The following PPP3CB variants were observed in gnomAD, a reference collection of about 807,000 sequenced individuals.
The protein encoded by PPP3CB is serine/threonine-protein phosphatase 2B catalytic subunit beta isoform.
PPP3CB carries 8 observed loss-of-function variants against 66.4 expected under a neutral mutation model. The ratio of observed to expected loss-of-function variants is 0.12; its 90% CI spans 0.07 to 0.22. PPP3CB has a LOEUF of 0.22. PPP3CB is among the 10% of genes least tolerant of loss of function. The probability of loss-of-function intolerance (pLI) is 1.00; values close to 1 mark genes in which losing one functional copy is unlikely to be tolerated. For synonymous variants in PPP3CB, 208 were observed against 221.2 expected (o/e 0.94, Z 0.53); for missense variants, 319 against 642.5 (o/e 0.50, Z 5.44).
chr10:73,476,664 A>C (rs1842714991), intron 3 of PPP3CB, among the ~76,000 whole-genome samples: 1 of 151,972 alleles, frequency 6.6e-6, no homozygotes, highest in Non-Finnish European at 1.5e-5. Flanking sequence ...AATCTTACAC[A>C]AGGACATGCA....
chr10:73,476,734 T>C (rs1241667835), intron 3 of PPP3CB, among the ~76,000 whole-genome samples: 2 of 152,106 alleles, frequency 1.3e-5, no homozygotes, highest in African/African-American at 4.8e-5. Flanking sequence ...TTTGGTCAAA[T>C]GCCTGAAATT....
intron 9 of PPP3CB, among the ~76,000 whole-genome samples, chr10:73,461,000 G>C (rs2056512208): frequency 6.6e-6 from 1 of 152,246 alleles, no homozygotes; most frequent in Non-Finnish European, 1.5e-5. Context: ...GCACTGCCTA[G>C]TGGGGCTGTG....
rs2056638374 is a variant in PPP3CB at position 73,467,649 on chromosome 10, TC to T, written c.1011del (p.Met338Ter). 6.4e-7 allele frequency: 1 copy of T among 1,567,122 alleles called. No individual in the cohort carries two copies. Among genetic ancestry groups the T allele is most frequent in the African/African-American group, 1.4e-5 (1 of 72,614 alleles). On this transcript the variant is annotated frameshift_variant, in exon 9 of 14. Coordinates refer to ENST00000360663, the MANE Select transcript of PPP3CB (RefSeq NM_021132.4). LOFTEE classifies it high-confidence loss of function. ...KAAVLKYENN[V>X]MNIRQFNCSP... The stretch of plus-strand genomic sequence containing the variant: ...GAACAGTTAAACTGTCGAATATTCA[TC>T]ACATTATTTTCATACTTTAATACAG...
intron 12 of PPP3CB, chr10:73,444,477 A>G (rs1214048134): frequency 1.8e-6 from 2 of 1,131,038 alleles, no homozygotes; most frequent in Non-Finnish European, 2.5e-6. Flanking sequence ...CTGCTCCCAT[A>G]TCATTTCATG....
At chr10:73,464,734 C>T (rs182458354) in intron 9 of PPP3CB, among the ~76,000 whole-genome samples, 124 of 152,186 alleles carry the variant, frequency 8.1e-4, no homozygotes, top group Non-Finnish European at 1.5e-3. Context: ...GAGTTTGAGA[C>T]CAGCCTGGCC....
chr10:73,489,408 C>T (rs892559529), intron 1 of PPP3CB, among the ~76,000 whole-genome samples: 1 of 149,950 alleles, frequency 6.7e-6, no homozygotes, highest in Middle Eastern at 3.4e-3. Flanking sequence ...TTAAAACCTT[C>T]AATAATAATA....
intron 9 of PPP3CB, among the ~76,000 whole-genome samples, chr10:73,461,814 C>T (rs557426483): frequency 7.2e-5 from 11 of 152,148 alleles, no homozygotes; most frequent in Non-Finnish European, 1.6e-4. Flanking sequence ...ACCTATAAAT[C>T]TCATGTTGAA....
intron 1 of PPP3CB, among the ~76,000 whole-genome samples, chr10:73,489,122 A>C (rs958521234): frequency 6.6e-6 from 1 of 152,160 alleles, no homozygotes; most frequent in Non-Finnish European, 1.5e-5. Flanking sequence ...TCTAGCCCTA[A>C]AGCAAAATTA....
intron 12 of PPP3CB, among the ~76,000 whole-genome samples, chr10:73,442,071 C>G (rs1373152902): frequency 1.3e-5 from 2 of 152,050 alleles, no homozygotes; most frequent in Non-Finnish European, 2.9e-5. Flanking sequence ...TTTGTATGAC[C>G]TTTGTTATTT....
intron 9 of PPP3CB, among the ~76,000 whole-genome samples, chr10:73,461,946 T>C (rs1174867197): frequency 1.3e-5 from 2 of 152,008 alleles, no homozygotes; most frequent in Admixed American, 1.3e-4. Context: ...GAGTAAATTC[T>C]TGTGAAATTT....
At chr10:73,458,121 T>C (rs1434483427) in intron 9 of PPP3CB, among the ~76,000 whole-genome samples, 3 of 152,290 alleles carry the variant, frequency 2.0e-5, no homozygotes, top group East Asian at 1.9e-4. Flanking sequence ...TAAATTTATA[T>C]AGACAACAAA....
At chr10:73,456,559 G>A (rs139681088) in intron 9 of PPP3CB, among the ~76,000 whole-genome samples, 94 of 152,228 alleles carry the variant, frequency 6.2e-4, no homozygotes, top group African/African-American at 2.2e-3. Context: ...TTTGACAAGG[G>A]TGCCAAAACA....
chr10:73,446,410 T>G, intron 11 of PPP3CB, 82 bp downstream of exon 11: 1 of 1,423,902 alleles, frequency 7.0e-7, no homozygotes. Context: ...CCATTTTGCT[T>G]TTAGATGCGG....
chr10:73,488,550 G>GT (rs1237594349), intron 1 of PPP3CB, among the ~76,000 whole-genome samples: 1 of 132,774 alleles, frequency 7.5e-6, no homozygotes, highest in African/African-American at 2.9e-5. Context: ...TGTCTTGAGG[G>GT]TTAAAAAAAA....
At chr10:73,485,712 A>G (rs1018168552) in intron 1 of PPP3CB, among the ~76,000 whole-genome samples, 1 of 151,984 alleles carries the variant, frequency 6.6e-6, no homozygotes, top group African/African-American at 2.4e-5. Context: ...ATTTTGTTTT[A>G]ATCTATCCCA....
intron 1 of PPP3CB, among the ~76,000 whole-genome samples, chr10:73,488,291 C>CTGCAG (rs1427050664): frequency 6.6e-6 from 1 of 152,048 alleles, no homozygotes; most frequent in Non-Finnish European, 1.5e-5. Flanking sequence ...ACACCTGTAA[C>CTGCAG]TGCAGCACTT....
chr10:73,476,419 T>A (rs2056790022), intron 3 of PPP3CB, among the ~76,000 whole-genome samples: 1 of 151,900 alleles, frequency 6.6e-6, no homozygotes, highest in Non-Finnish European at 1.5e-5. Flanking sequence ...GAGTTCGAGA[T>A]CAGCTTGACC....
intron 12 of PPP3CB, among the ~76,000 whole-genome samples, chr10:73,443,286 C>CAGAAAGAA (rs71021552): frequency 0.25 from 28,600 of 115,316 alleles, 3,930 homozygotes; most frequent in Middle Eastern, 0.3. Context: ...GAAAGAAAGA[C>CAGAAAGAA]AGAAAGAAAG....
chr10:73,464,613 G>A (rs1347230215), intron 9 of PPP3CB, among the ~76,000 whole-genome samples: 1 of 152,122 alleles, frequency 6.6e-6, no homozygotes, highest in African/African-American at 2.4e-5. Flanking sequence ...ACTTTTATCA[G>A]ATTCTCAAAG....
Sources: gnomAD v4.1 joint callset for allele counts (sites outside exome capture counted in the v4.1 genomes callset) on GRCh38, gnomAD v4.1.1 for gene constraint, MANE v1.5 for transcripts, NCBI Gene and HGNC (gene_info 2026-07-23, HGNC 2026-07-21) for gene names.